Variants in ZNF704 observed in about 807,000 individuals in gnomAD.
The protein encoded by ZNF704 is glucocorticoid induced gene 1.
ZNF704 carries 10 observed loss-of-function variants against 44.7 expected under a neutral mutation model. The observed-to-expected ratio is 0.22, with a 90% confidence interval of 0.14 to 0.38. The LOEUF is 0.38. Among genes scored for constraint, ZNF704 ranks in the 10% least tolerant of loss-of-function variants. The pLI, the probability that ZNF704 is intolerant of heterozygous loss-of-function variation, is 1.00. For synonymous variants in ZNF704, 211 were observed against 207.6 expected (o/e 1.02, Z -0.14); for missense variants, 390 against 545.5 (o/e 0.71, Z 2.84).
At chr8:80,649,474 C>A (rs2086401) in intron 7 of ZNF704, among the ~76,000 whole-genome samples, 1 of 152,048 alleles carries the variant, frequency 6.6e-6, no homozygotes. Context: ...CCTAATACTG[C>A]GCTTTTCCAA....
At chr8:80,650,430 C>T (rs994981436) in intron 7 of ZNF704, among the ~76,000 whole-genome samples, 16 of 152,234 alleles carry the variant, frequency 1.1e-4, no homozygotes, top group African/African-American at 3.1e-4. Context: ...AAAATTTAGA[C>T]GAATGGCTAA....
chr8:80,803,292 C>T (rs528029046), intron 2 of ZNF704, among the ~76,000 whole-genome samples: 14 of 152,252 alleles, frequency 9.2e-5, no homozygotes, highest in Non-Finnish European at 1.5e-4. Context: ...ATCCTGTTCC[C>T]TTTAAACTAC....
At chr8:80,858,038 G>C (rs1183533026) in intron 1 of ZNF704, among the ~76,000 whole-genome samples, 1 of 151,946 alleles carries the variant, frequency 6.6e-6, no homozygotes, top group Non-Finnish European at 1.5e-5. Flanking sequence ...CAAATTTACA[G>C]GCAAAAATCC....
intron 2 of ZNF704, among the ~76,000 whole-genome samples, chr8:80,811,749 G>A (rs1586044905): frequency 6.6e-6 from 1 of 152,244 alleles, no homozygotes; most frequent in Non-Finnish European, 1.5e-5. Context: ...TGTGTACAAG[G>A]GGCTTAATGC....
At chr8:80,691,621 C>G (rs1818637137) in intron 3 of ZNF704, among the ~76,000 whole-genome samples, 1 of 152,136 alleles carries the variant, frequency 6.6e-6, no homozygotes, top group Non-Finnish European at 1.5e-5. Flanking sequence ...TCTGCTTTTA[C>G]ATAACTCTCT....
chr8:80,861,090 T>C lies in ZNF704; in HGVS notation c.-22+13481A>G, dbSNP rs530149834. 5.3e-5 allele frequency among the ~76,000 whole-genome samples: 8 copies of C among 152,310 alleles called. No individual in the cohort carries two copies. The South Asian group carries it at 1.7e-3, about 32-fold the overall frequency. On this transcript the variant is annotated intron_variant, in intron 1 of 8. Transcript: ENST00000327835. ...CAATGTCAAAGTAGCCACAAGACTGTCTAGTAGCATGCAGATTGAATGTAA... is the reference window on the plus strand; with the variant it reads ...CAATGTCAAAGTAGCCACAAGACTGCCTAGTAGCATGCAGATTGAATGTAA...
chr8:80,694,591 G>C (rs1283626975), intron 2 of ZNF704, among the ~76,000 whole-genome samples: 2 of 152,216 alleles, frequency 1.3e-5, no homozygotes. Context: ...TGAACTCTTA[G>C]AGATAGAAAC....
chr8:80,879,692 T>G (rs1809400729), upstream of ZNF704, among the ~76,000 whole-genome samples: 1 of 152,224 alleles, frequency 6.6e-6, no homozygotes, highest in Non-Finnish European at 1.5e-5. Flanking sequence ...TAGTTATTTC[T>G]TCAGTAATAA....
chr8:80,707,397 C>A (rs140425297), intron 2 of ZNF704, among the ~76,000 whole-genome samples: 1 of 151,708 alleles, frequency 6.6e-6, no homozygotes, highest in African/African-American at 2.4e-5. Flanking sequence ...GATTATAGGC[C>A]GACTACTCAT....
At chr8:80,747,217 G>A (rs1241230113) in intron 2 of ZNF704, among the ~76,000 whole-genome samples, 1 of 152,010 alleles carries the variant, frequency 6.6e-6, no homozygotes, top group Non-Finnish European at 1.5e-5. Context: ...GTGTAGCTCT[G>A]TGGTAGGCCA....
At chr8:80,661,132 A>G (rs1341479856) in intron 6 of ZNF704, among the ~76,000 whole-genome samples, 7 of 152,196 alleles carry the variant, frequency 4.6e-5, no homozygotes, top group Non-Finnish European at 8.8e-5. Context: ...AAGTGGGCAA[A>G]GGACCTGAAT....
chr8:80,691,488 T>C (rs928561027), intron 3 of ZNF704, among the ~76,000 whole-genome samples: 3 of 152,186 alleles, frequency 2.0e-5, no homozygotes, highest in African/African-American at 7.2e-5. Flanking sequence ...GAAACCACAC[T>C]CTCCTGGTCT....
Position 80,631,736 on chromosome 8 carries a change from TG to T in ZNF704, c.*9629del, listed in dbSNP as rs1204391351. 8 of 152,226 alleles carry T rather than the reference TG, an allele frequency of 5.3e-5. No individual in the cohort carries two copies. Among genetic ancestry groups the T allele is most frequent in the African/African-American group, 1.7e-4 (7 of 41,462 alleles). 9.4% of individuals were successfully genotyped at this position (152,226 alleles called of 1,614,324 possible). On this transcript the variant is annotated 3_prime_UTR_variant, in exon 9 of 9. Coordinates refer to ENST00000327835, the MANE Select transcript of ZNF704 (RefSeq NM_001033723.3). Reference sequence around the variant, plus strand: ...ACAAATCTTTTGTGATGAGCGTGGCTGGCTGTGTGACTAAGCCGCTCTCCTC... The same window carrying T: ...ACAAATCTTTTGTGATGAGCGTGGCTGCTGTGTGACTAAGCCGCTCTCCTC...
chr8:80,802,257 C>T (rs1457322697), intron 2 of ZNF704, among the ~76,000 whole-genome samples: 1 of 146,810 alleles, frequency 6.8e-6, no homozygotes, highest in Non-Finnish European at 1.5e-5. Context: ...ACCAGAGGTA[C>T]AAAGAAGAGC....
At chr8:80,758,589 G>A (rs1342734458) in intron 2 of ZNF704, among the ~76,000 whole-genome samples, 2 of 151,908 alleles carry the variant, frequency 1.3e-5, no homozygotes, top group Non-Finnish European at 2.9e-5. Flanking sequence ...GACCATAATC[G>A]CTAATAATAA....
rs1585909511 is a variant in ZNF704 at position 80,633,921 on chromosome 8, G to A, written c.*7445C>T. The A allele has an allele frequency of 1.3e-5, 2 of 152,308 alleles. No individual in the cohort carries two copies. Among genetic ancestry groups the A allele is most frequent in the African/African-American group, 4.8e-5 (2 of 41,550 alleles). The allele number at this position is 152,308 out of a possible 1,614,324, so 9.4% of individuals were successfully genotyped here. On this transcript the variant is annotated 3_prime_UTR_variant, in exon 9 of 9. Transcript: ENST00000327835. ...CCTCAAAGATGCTAGGGTTTTGTAT[G>A]TGGAAAAACCTCCTTTTGAGGTTAG...
At chr8:80,813,714 T>TA (rs1808128803) in intron 2 of ZNF704, among the ~76,000 whole-genome samples, 1 of 151,950 alleles carries the variant, frequency 6.6e-6, no homozygotes, top group Admixed American at 6.6e-5. Flanking sequence ...CCGTCTCTAC[T>TA]AAAAATACAA....
At chr8:80,787,471 A>G (rs1448109136) in intron 2 of ZNF704, among the ~76,000 whole-genome samples, 3 of 152,188 alleles carry the variant, frequency 2.0e-5, no homozygotes, top group Non-Finnish European at 4.4e-5. Context: ...CTTTTAATAA[A>G]CACAACCCAA....
Position 80,687,115 on chromosome 8 carries a change from T to A in ZNF704, c.558+111A>T. The A allele has an allele frequency of 3.5e-6, 3 of 853,344 alleles. No individual in the cohort carries two copies. In the Admixed American group the frequency reaches 7.3e-5, roughly 21 times the overall value. 52.9% of individuals were successfully genotyped at this position (853,344 alleles called of 1,614,324 possible). A position where few individuals can be genotyped will look rare whatever the true frequency, so the allele number is the denominator to read the frequency against. On this transcript the variant is annotated intron_variant, in intron 4 of 8. Coordinates refer to ENST00000327835, the MANE Select transcript of ZNF704 (RefSeq NM_001033723.3). The stretch of plus-strand genomic sequence containing the variant: ...TAAAGAGGAACGTAAGCTGCTTCTT[T>A]CCACAGAAAGGGGGTGTAGGTCCAA...
Sources: allele counts gnomAD v4.1 joint callset (sites outside exome capture counted in the v4.1 genomes callset), GRCh38; gene constraint gnomAD v4.1.1; transcripts MANE v1.5; gene names NCBI Gene and HGNC (gene_info 2026-07-23, HGNC 2026-07-21).